Variants in BMPR1A observed in about 807,000 individuals in gnomAD.
BMPR1A encodes the protein bone morphogenetic protein receptor type 1A, also known as bone morphogenetic protein receptor type-1A.
A neutral mutation model predicts 66.0 loss-of-function variants in BMPR1A; 7 were observed. That is an observed-to-expected ratio of 0.11 (90% CI 0.06 to 0.20). The LOEUF (loss-of-function observed/expected upper bound fraction) is 0.20, where lower values mean the gene tolerates loss of function less well. Ranked by LOEUF, BMPR1A falls within the 10% of genes least tolerant of loss-of-function variation. The pLI is 1.00. For synonymous variants in BMPR1A, 200 were observed against 229.7 expected, an observed-to-expected ratio of 0.87 and a Z score of 1.17; for missense variants, 408 against 669.1, an observed-to-expected ratio of 0.61 and a Z score of 4.31.
intron 6 of BMPR1A, 56 bp downstream of exon 6, chr10:86,899,946 C>T (rs2133455398): frequency 6.2e-7 from 1 of 1,608,146 alleles, no homozygotes; most frequent in South Asian, 1.1e-5. Flanking sequence ...TCTGGTTTTA[C>T]AGTAACCAGG....
chr10:86,786,390 C>A (rs2132740780), intron 1 of BMPR1A, among the ~76,000 whole-genome samples: 1 of 152,244 alleles, frequency 6.6e-6, no homozygotes, highest in South Asian at 2.1e-4. Flanking sequence ...GAGGCTTTCC[C>A]TCCCAGCACC....
At chr10:86,762,580 A>C (rs1841086168) in intron 1 of BMPR1A, among the ~76,000 whole-genome samples, 1 of 152,098 alleles carries the variant, frequency 6.6e-6, no homozygotes, top group African/African-American at 2.4e-5. Context: ...GGCTGGTCTC[A>C]ACTCCTGACC....
chr10:86,923,947 T>G lies in BMPR1A; in HGVS notation c.*228T>G. ...ATGGACAGCTTTATTTTAAATGTGG[T>G]TTTTGATGCCTTTTTTTAAGTGGGT... On this transcript the variant is annotated 3_prime_UTR_variant, in exon 13 of 13. Transcript: ENST00000372037. 1.8e-6 allele frequency: 1 copy of G among 562,412 alleles called. No homozygotes were observed. The highest frequency in any genetic ancestry group is 3.1e-6 in the Non-Finnish European group (1 of 318,964). The allele number at this position is 562,412 out of a possible 1,614,324, so 34.8% of individuals were successfully genotyped here.
chr10:86,855,280 G>T, intron 2 of BMPR1A: 2 of 1,082,542 alleles, frequency 1.8e-6, no homozygotes, highest in Non-Finnish European at 2.5e-6. Flanking sequence ...AAAAACCTCA[G>T]TTTCTTCTGT....
rs1416653210 is a variant in BMPR1A at position 86,866,408 on chromosome 10, T to TTTCTTTTTTTTTC, written c.-152-9457_-152-9456insCTTTTTTTTTCTT. On this transcript the variant is annotated intron_variant, in intron 2 of 12. Coordinates refer to ENST00000372037, the MANE Select transcript of BMPR1A (RefSeq NM_004329.3). ...TTGGGCAAGTTTCTTTCTTTTTTTT[T>TTTCTTTTTTTTTC]TTTTTTTTTTTTTTTTTTGAGATGG... Among the ~76,000 whole-genome samples the TTTCTTTTTTTTTC allele has an allele frequency of 1.1e-3, 118 of 110,448 alleles. 3 individuals carry two copies. The highest frequency in any genetic ancestry group is 4.7e-3 in the African/African-American group (107 of 22,940). The allele number at this position is 110,448 out of a possible 152,430, so 72.5% of individuals were successfully genotyped here.
At chr10:86,869,255 C>T (rs1842823184) in intron 2 of BMPR1A, among the ~76,000 whole-genome samples, 1 of 151,862 alleles carries the variant, frequency 6.6e-6, no homozygotes, top group Non-Finnish European at 1.5e-5. Context: ...TCCAGGAGTT[C>T]AAGACCAGCC....
chr10:86,876,289 C>G (rs1842920858), intron 3 of BMPR1A, among the ~76,000 whole-genome samples: 1 of 152,148 alleles, frequency 6.6e-6, no homozygotes, highest in African/African-American at 2.4e-5. Flanking sequence ...TTTGAAATCT[C>G]AGTCTGAGTC....
intron 5 of BMPR1A, 107 bp downstream of exon 5, chr10:86,892,336 C>A: frequency 1.2e-6 from 1 of 824,734 alleles, no homozygotes; most frequent in Non-Finnish European, 2.0e-6. Flanking sequence ...TGTATGTTCA[C>A]ATCAGTAAAT....
chr10:86,855,529 T>C (rs1842628931), intron 2 of BMPR1A: 1 of 440,016 alleles, frequency 2.3e-6, no homozygotes, highest in Non-Finnish European at 4.1e-6. Flanking sequence ...TTTGAAATAG[T>C]ATTTCTATTT....
rs1019275604 is a variant in BMPR1A, at chr10:86,926,839, CAA to C, written c.*3122_*3123del. 1.6e-4 allele frequency: 30 copies of C among 192,458 alleles called. No homozygotes were observed. The highest frequency in any genetic ancestry group is 6.2e-4 in the African/African-American group (27 of 43,226). 11.9% of individuals were successfully genotyped at this position (192,458 alleles called of 1,614,324 possible). On this transcript the variant is annotated 3_prime_UTR_variant, in exon 13 of 13. Transcript: ENST00000372037. Reference sequence around the variant, plus strand: ...ACTATAAACAGGAAAAGTTAACCCTCAAAGAGAGTTCTTGTGAATTCTCTTTA... The same window carrying C: ...ACTATAAACAGGAAAAGTTAACCCTCAGAGAGTTCTTGTGAATTCTCTTTA...
chr10:86,763,797 T>TG (rs1463938997), intron 1 of BMPR1A, among the ~76,000 whole-genome samples: 1 of 149,140 alleles, frequency 6.7e-6, no homozygotes, highest in African/African-American at 2.5e-5. Flanking sequence ...GTTGTTTTTT[T>TG]TTTTTTTTTT....
intron 1 of BMPR1A, among the ~76,000 whole-genome samples, chr10:86,757,187 G>A (rs952178012): frequency 1.3e-5 from 2 of 152,162 alleles, no homozygotes; most frequent in African/African-American, 4.8e-5. Context: ...ATGCGGAGTG[G>A]GCGAAAGTCG....
intron 2 of BMPR1A, among the ~76,000 whole-genome samples, chr10:86,868,800 A>G (rs960909127): frequency 1.7e-4 from 21 of 120,586 alleles, no homozygotes; most frequent in Middle Eastern, 4.0e-3. Context: ...TTAAGTTCCA[A>G]TTGAACTGTT....
At chr10:86,889,867 A>G in intron 3 of BMPR1A, 195 bp from the exon 4 acceptor site, 2 of 641,576 alleles carry the variant, frequency 3.1e-6, no homozygotes, top group South Asian at 2.0e-5. Context: ...GTACCCCGCA[A>G]TACCTGGTGC....
intron 7 of BMPR1A, among the ~76,000 whole-genome samples, chr10:86,900,541 C>G (rs1238121921): frequency 6.6e-6 from 1 of 151,908 alleles, no homozygotes; most frequent in East Asian, 1.9e-4. Flanking sequence ...GAGACAGTCC[C>G]TAATGGATAT....
At chr10:86,758,191 A>C (rs1169728700) in intron 1 of BMPR1A, among the ~76,000 whole-genome samples, 1 of 152,152 alleles carries the variant, frequency 6.6e-6, no homozygotes, top group African/African-American at 2.4e-5. Context: ...TTTTAGTAGA[A>C]CCAGACTCAG....
At chr10:86,772,991 G>T (rs1841287977) in intron 1 of BMPR1A, among the ~76,000 whole-genome samples, 1 of 152,084 alleles carries the variant, frequency 6.6e-6, no homozygotes, top group African/African-American at 2.4e-5. Context: ...TTAAGAATTT[G>T]TGCAAATAAG....
At chr10:86,890,326 A>G in intron 4 of BMPR1A, 102 bp downstream of exon 4, 1 of 1,408,106 alleles carries the variant, frequency 7.1e-7, no homozygotes, top group Non-Finnish European at 9.9e-7. Context: ...TTTTTCATTC[A>G]TATATAGTAT....
At chr10:86,865,377 G>C (rs934847252) in intron 2 of BMPR1A, among the ~76,000 whole-genome samples, 8 of 152,042 alleles carry the variant, frequency 5.3e-5, no homozygotes, top group African/African-American at 1.4e-4. Flanking sequence ...GGCTCAAAAA[G>C]CTCCCCCACT....
Sources: allele counts gnomAD v4.1 joint callset (sites outside exome capture counted in the v4.1 genomes callset), GRCh38; gene constraint gnomAD v4.1.1; transcripts MANE v1.5; gene names NCBI Gene and HGNC (gene_info 2026-07-23, HGNC 2026-07-21).